The following RYR2 variants were observed in gnomAD, a reference collection of about 807,000 sequenced individuals.
RYR2 encodes the protein ryanodine receptor 2, also known as cardiac muscle ryanodine receptor-calcium release channel.
Under a neutral mutation model 601.1 loss-of-function variants are expected in RYR2, and 227 were observed. That is an observed-to-expected ratio of 0.38 (90% CI 0.34 to 0.42). The LOEUF is 0.42. Ranked by LOEUF, RYR2 falls within the 10% of genes least tolerant of loss-of-function variation. The pLI is 1.00. For synonymous variants in RYR2, 2,223 were observed against 2,175.1 expected, an observed-to-expected ratio of 1.02 and a Z score of -0.61; for missense variants, 4,646 against 6,156.5, an observed-to-expected ratio of 0.75 and a Z score of 8.21.
intron 1 of RYR2, among the ~76,000 whole-genome samples, chr1:237,220,059 G>A (rs1042653819): frequency 4.6e-5 from 7 of 152,198 alleles, no homozygotes; most frequent in African/African-American, 1.7e-4. Context: ...CTACTCTGAT[G>A]GCCAGTTTTA....
intron 1 of RYR2, among the ~76,000 whole-genome samples, chr1:237,212,510 C>T (rs889219166): frequency 2.0e-5 from 3 of 151,954 alleles, no homozygotes; most frequent in African/African-American, 4.8e-5. Context: ...GAGGCTGCTG[C>T]GGGAGGATCA....
intron 1 of RYR2, among the ~76,000 whole-genome samples, chr1:237,181,857 A>T (rs1210929587): frequency 2.0e-5 from 3 of 152,184 alleles, no homozygotes; most frequent in Non-Finnish European, 4.4e-5. Context: ...AATTCCTGTA[A>T]CAGCTGATTA....
Position 237,634,935 on chromosome 1 carries a change from T to A in RYR2, c.6735T>A (p.Ala2245=), listed in dbSNP as rs752942201. 18 of 1,609,706 alleles carry A rather than the reference T, an allele frequency of 1.1e-5. No homozygotes were observed. In the South Asian group the frequency reaches 2.0e-4, roughly 18 times the overall value. The change falls in exon 44 of 105, where the codon GCT becomes GCA. Residue 2245 remains alanine (A), a synonymous_variant. Coordinates refer to ENST00000366574, the MANE Select transcript of RYR2 (RefSeq NM_001035.3). ...CAACACCACTGGATGTGGCTGCAGC[T>A]TCGGTGATGGATAATAATGAACTAG... is the stretch of plus-strand genomic sequence containing the variant. The part of the protein sequence containing the change: ...RGSTPLDVAA[A]SVMDNNELAL...
At chr1:237,487,305 A>G (rs1662788051) in intron 17 of RYR2, among the ~76,000 whole-genome samples, 1 of 152,168 alleles carries the variant, frequency 6.6e-6, no homozygotes, top group South Asian at 2.1e-4. Context: ...ATAATATTGT[A>G]TACCTATTCC....
chr1:237,709,705 G>A, intron 70 of RYR2, 138 bp downstream of exon 70: 2 of 484,206 alleles, frequency 4.1e-6, no homozygotes, highest in South Asian at 5.0e-5. Context: ...CTTCTTCTGA[G>A]TTTTGCAATT....
At chr1:237,523,211 C>G (rs2147875783) in intron 24 of RYR2, among the ~76,000 whole-genome samples, 1 of 152,234 alleles carries the variant, frequency 6.6e-6, no homozygotes, top group South Asian at 2.1e-4. Context: ...TTAAAGAAAA[C>G]AGTCCATCCA....
chr1:237,241,736 A>G (rs912812250), intron 1 of RYR2, among the ~76,000 whole-genome samples: 3 of 152,172 alleles, frequency 2.0e-5, no homozygotes, highest in South Asian at 2.1e-4. Context: ...GGAGTGAGGA[A>G]TTTCCAGAAC....
At chr1:237,575,219 C>A (rs1673105493) in intron 29 of RYR2, among the ~76,000 whole-genome samples, 1 of 152,180 alleles carries the variant, frequency 6.6e-6, no homozygotes, top group African/African-American at 2.4e-5. Flanking sequence ...TATTATAAGC[C>A]ATGCTGCCTA....
In RYR2 at chr1:237,651,407, A is replaced by T; in HGVS notation, c.7734-4A>T. The T allele has an allele frequency of 6.3e-7, 1 of 1,585,006 alleles. No individual in the cohort carries two copies. The highest frequency in any genetic ancestry group is 8.6e-7 in the Non-Finnish European group (1 of 1,162,308). ...CATTATGAACATTAGCTTTGTTCCA[A>T]CAGACAACTGAGACCTTCTATGATG... On this transcript the variant is annotated splice_polypyrimidine_tract_variant and splice_region_variant and intron_variant, in intron 50 of 104. Coordinates refer to ENST00000366574, the MANE Select transcript of RYR2 (RefSeq NM_001035.3).
intron 101 of RYR2, among the ~76,000 whole-genome samples, chr1:237,828,177 C>T (rs561038182): frequency 1.3e-5 from 2 of 152,220 alleles, no homozygotes; most frequent in East Asian, 3.9e-4. Context: ...GAGTGTATGT[C>T]CCAGTAACTG....
chr1:237,162,751 T>A (rs10925334), intron 1 of RYR2, among the ~76,000 whole-genome samples: 84,766 of 151,914 alleles, frequency 0.56, 24,958 homozygotes, highest in Non-Finnish European at 0.65. Context: ...AAAGTGGAAG[T>A]GTACTTAGCC....
At chr1:237,124,838 C>T (rs1417397557) in intron 1 of RYR2, among the ~76,000 whole-genome samples, 1 of 152,132 alleles carries the variant, frequency 6.6e-6, no homozygotes, top group African/African-American at 2.4e-5. Flanking sequence ...CCACCTTTTC[C>T]CCCTGGCAAG....
chr1:237,354,377 C>CT (rs1699120358), intron 3 of RYR2, among the ~76,000 whole-genome samples: 1 of 151,718 alleles, frequency 6.6e-6, no homozygotes, highest in Non-Finnish European at 1.5e-5. Context: ...GTGTGAATGT[C>CT]TGACATGCAG....
rs1686616755 is a variant in RYR2 at position 237,688,241 on chromosome 1, T to C, written c.9067+737T>C. 1.3e-5 allele frequency among the ~76,000 whole-genome samples: 2 copies of C among 152,232 alleles called. 1 individual carries two copies. Among genetic ancestry groups the C allele is most frequent in the South Asian group, 4.1e-4 (2 of 4,834 alleles). On this transcript the variant is annotated intron_variant, in intron 63 of 104. Transcript: ENST00000366574. ...AAACTGCCGAAGAAAATGTGAACCC[T>C]TTGCTCTCTAGGTTTTGAGACAGTG...
chr1:237,566,151 C>T (rs1320590940), intron 27 of RYR2, among the ~76,000 whole-genome samples: 1 of 152,202 alleles, frequency 6.6e-6, no homozygotes, highest in African/African-American at 2.4e-5. Context: ...CGTCTTCCCT[C>T]TTCTCTCTCA....
At chr1:237,496,318 G>A (rs2150446326) in intron 19 of RYR2, among the ~76,000 whole-genome samples, 193 bp from the exon 20 acceptor site, 1 of 152,294 alleles carries the variant, frequency 6.6e-6, no homozygotes, top group South Asian at 2.1e-4. Flanking sequence ...TGAGGTGGGA[G>A]GATTCCTTGA....
At chr1:237,796,120 A>T (rs2149397648) in intron 96 of RYR2, among the ~76,000 whole-genome samples, 1 of 152,014 alleles carries the variant, frequency 6.6e-6, no homozygotes, top group African/African-American at 2.4e-5. Flanking sequence ...GTGACCTGGC[A>T]TCTTGAGTCG....
At chr1:237,803,813 C>T (rs1179239255) in intron 98 of RYR2, among the ~76,000 whole-genome samples, 1 of 152,156 alleles carries the variant, frequency 6.6e-6, no homozygotes. Flanking sequence ...TGATTATTTG[C>T]TGAATCTTGG....
At chr1:237,259,631 T>C (rs1235703359) in intron 1 of RYR2, among the ~76,000 whole-genome samples, 1 of 152,160 alleles carries the variant, frequency 6.6e-6, no homozygotes, top group Non-Finnish European at 1.5e-5. Context: ...TCATTTCCTC[T>C]ACTTAATAGA....
Sources: gnomAD v4.1 joint callset for allele counts (sites outside exome capture counted in the v4.1 genomes callset) on GRCh38, gnomAD v4.1.1 for gene constraint, MANE v1.5 for transcripts, NCBI Gene and HGNC (gene_info 2026-07-23, HGNC 2026-07-21) for gene names.